MYO18A: variants seen among roughly 807,000 people sequenced by gnomAD.
MYO18A encodes unconventional myosin-XVIIIa.
Under a neutral mutation model 235.8 loss-of-function variants are expected in MYO18A, and 78 were observed. That is an observed-to-expected ratio of 0.33 (90% CI 0.28 to 0.40). The LOEUF (loss-of-function observed/expected upper bound fraction) is 0.40. Among genes scored for constraint, MYO18A ranks in the 10% least tolerant of loss-of-function variants. MYO18A has a pLI of 1.00. For synonymous variants in MYO18A, 977 were observed against 1,077.8 expected (o/e 0.91, Z 1.83); for missense variants, 2,215 against 2,699.3 (o/e 0.82, Z 3.98).
At position 29,116,502 on chromosome 17, in the gene MYO18A, G is replaced by A. The variant is rs748430548; in HGVS notation, c.2039-47C>T. 4.2e-5 allele frequency: 68 copies of A among 1,613,440 alleles called. 3 individuals carry two copies. The Admixed American group carries it at 1.0e-3, about 24-fold the overall frequency. ...TGCAGCATGCAAAGAAAAACAGTGTGTTAGCAAACAGTCATCAATAGAGCT... is the reference window on the plus strand; with the variant it reads ...TGCAGCATGCAAAGAAAAACAGTGTATTAGCAAACAGTCATCAATAGAGCT... On this transcript the variant is annotated intron_variant, in intron 10 of 41. Coordinates refer to ENST00000527372, the MANE Select transcript of MYO18A (RefSeq NM_078471.4).
In MYO18A at chr17:29,080,123, G is replaced by A. The variant is rs575101202; in HGVS notation, c.6020+2193C>T. On this transcript the variant is annotated intron_variant, in intron 41 of 41. Transcript: ENST00000527372. ...GACACATCAGCAGCAGAGGCGGAGC[G>A]GCGGATGCTGGCAGCTCGCTCCGGG... The A allele has an allele frequency of 5.4e-5, 53 of 985,826 alleles. No individual in the cohort carries two copies. The Admixed American group carries it at 1.1e-3, about 21-fold the overall frequency. 61.1% of individuals were successfully genotyped at this position (985,826 alleles called of 1,614,324 possible).
intron 2 of MYO18A, 104 bp from the exon 3 acceptor site, chr17:29,122,357 CT>C: frequency 2.0e-6 from 2 of 1,003,752 alleles, no homozygotes; most frequent in South Asian, 2.9e-5. Context: ...AGACAAGCCA[CT>C]GGGCAAGGAA....
intron 20 of MYO18A, among the ~76,000 whole-genome samples, chr17:29,105,665 G>C (rs1442371504): frequency 6.6e-6 from 1 of 152,164 alleles, no homozygotes; most frequent in Non-Finnish European, 1.5e-5. Flanking sequence ...GGCATCTGCT[G>C]GGAAGGTGAG....
rs1214920948 is a variant in MYO18A, at chr17:29,073,246, C to T, written c.*1524G>A. On this transcript the variant is annotated 3_prime_UTR_variant, in exon 42 of 42. Transcript: ENST00000527372. ...GGATGAGGCTTGGAGTCTCTGCCAC[C>T]CTTGCTAACCTGAATCACAGTCCCT... 1 of 152,216 alleles carries T rather than the reference C, an allele frequency of 6.6e-6. No individual in the cohort carries two copies. Among genetic ancestry groups the T allele is most frequent in the Non-Finnish European group, 1.5e-5 (1 of 68,070 alleles). The allele number at this position is 152,216 out of a possible 1,614,324, so 9.4% of individuals were successfully genotyped here. A position where few individuals can be genotyped will look rare whatever the true frequency, so the allele number is the denominator to read the frequency against.
chr17:29,122,040 C>A, intron 3 of MYO18A, 83 bp from the exon 4 acceptor site: 5 of 1,531,918 alleles, frequency 3.3e-6, no homozygotes, highest in Non-Finnish European at 4.5e-6. Flanking sequence ...CTATCCTCCC[C>A]CCCACTGCAT....
At position 29,116,246 on chromosome 17, in the gene MYO18A, T is replaced by G. The variant is rs569995080; in HGVS notation, c.2050+198A>C. On this transcript the variant is annotated intron_variant, in intron 11 of 41. Coordinates refer to ENST00000527372, the MANE Select transcript of MYO18A (RefSeq NM_078471.4). Reference sequence around the variant, plus strand: ...TGAGAGATCGCTCATGCCTCCACATTCCCTGAGTACATTAGAACCCTCCCT... The same window carrying G: ...TGAGAGATCGCTCATGCCTCCACATGCCCTGAGTACATTAGAACCCTCCCT... Among the ~76,000 whole-genome samples the G allele has an allele frequency of 9.9e-5, 15 of 152,266 alleles. 1 individual carries two copies. The highest frequency in any genetic ancestry group is 9.8e-4 in the Admixed American group (15 of 15,294).
At chr17:29,172,973 T>C (rs1482655755) in intron 1 of MYO18A, among the ~76,000 whole-genome samples, 1 of 152,188 alleles carries the variant, frequency 6.6e-6, no homozygotes, top group Admixed American at 6.5e-5. Context: ...ATTAGCAGTT[T>C]AGTAAAAACT....
chr17:29,105,397 G>A (rs1397181856), intron 20 of MYO18A, among the ~76,000 whole-genome samples: 2 of 151,976 alleles, frequency 1.3e-5, no homozygotes, highest in Non-Finnish European at 2.9e-5. Context: ...AGGTCTGTGG[G>A]GAGTTTCTCC....
chr17:29,174,814 C>CA (rs970991069), intron 1 of MYO18A, among the ~76,000 whole-genome samples: 86 of 139,356 alleles, frequency 6.2e-4, no homozygotes, highest in South Asian at 2.9e-3. Flanking sequence ...GACTCTGTCT[C>CA]AAAAAAAAAA....
chr17:29,120,657 C>T lies in MYO18A; in HGVS notation c.1687G>A (p.Asp563Asn), dbSNP rs1277339762. 1 of 1,613,992 alleles carries T rather than the reference C, an allele frequency of 6.2e-7. No individual in the cohort carries two copies. Among genetic ancestry groups the T allele is most frequent in the Non-Finnish European group, 8.5e-7 (1 of 1,179,880 alleles). The part of the protein sequence containing the change: ...ATRFSQILSL[D>N]FDQAGQVASA... ...GCCACCTGGCCAGCTTGGTCAAAGT[C>T]CAGGGAGAGGATCTGGGAGAAGCGG... The change falls in exon 7 of 42, where the codon GAC becomes AAC. Residue 563 changes from aspartate (D) to asparagine (N), a missense_variant. Physicochemically the swap from Asp to Asn is conservative, Grantham distance 23. Transcript: ENST00000527372. This position sits in a 1 kb window ranked among gnomAD's most constrained non-coding sequence, Gnocchi z 4.2.
intron 2 of MYO18A, among the ~76,000 whole-genome samples, chr17:29,138,058 C>T (rs1162257116): frequency 6.6e-6 from 1 of 152,124 alleles, no homozygotes; most frequent in Non-Finnish European, 1.5e-5. Flanking sequence ...CTGGGGTTTA[C>T]CCTCCACCAT....
Position 29,115,462 on chromosome 17 carries a change from C to A in MYO18A, c.2228-21G>T, listed in dbSNP as rs374993272. 3.7e-6 allele frequency: 6 copies of A among 1,609,514 alleles called. No individual in the cohort carries two copies. In the South Asian group the frequency reaches 6.6e-5, roughly 18 times the overall value. ...CGGGCCTGTGGGGCAGGGGGAGCAG[C>A]GCTATCTCCTTCTCCCCAGGGCTCC... is the stretch of plus-strand genomic sequence containing the variant. On this transcript the variant is annotated intron_variant, in intron 12 of 41. Transcript: ENST00000527372.
rs1356440090 is a variant in MYO18A, at chr17:29,094,735, T to A, written c.4625A>T (p.Lys1542Ile). ...KDEASLAKVKKQLRDLEAKVK... is the reference protein window; with the variant it reads ...KDEASLAKVKIQLRDLEAKVK... ...TTTGGCCTCCAGGTCCCGGAGCTGT[T>A]TCTTGACCTTGGCCAGAGAAGCCTC... The change falls in exon 30 of 42, where the codon AAA becomes ATA. Residue 1542 changes from lysine to isoleucine, a missense_variant. Physicochemically the swap from Lys to Ile is moderately radical, Grantham distance 102. Coordinates refer to ENST00000527372, the MANE Select transcript of MYO18A (RefSeq NM_078471.4). The A allele has an allele frequency of 5.6e-6, 9 of 1,613,920 alleles. No individual in the cohort carries two copies. Among genetic ancestry groups the A allele is most frequent in the Non-Finnish European group, 7.6e-6 (9 of 1,179,902 alleles).
intron 2 of MYO18A, among the ~76,000 whole-genome samples, chr17:29,145,395 T>G (rs1056250590): frequency 2.0e-5 from 3 of 152,196 alleles, no homozygotes; most frequent in Admixed American, 6.6e-5. Context: ...TGGCTCTGTT[T>G]CAGGCACTTG....
At chr17:29,147,520 T>TAAAAACA (rs1168745047) in intron 2 of MYO18A, among the ~76,000 whole-genome samples, 11 of 148,034 alleles carry the variant, frequency 7.4e-5, no homozygotes, top group African/African-American at 2.8e-4. Flanking sequence ...AGACCCTGCC[T>TAAAAACA]AAAAACAAAA....
chr17:29,154,760 G>A (rs1032622007), intron 2 of MYO18A, among the ~76,000 whole-genome samples: 2 of 152,246 alleles, frequency 1.3e-5, no homozygotes, highest in Non-Finnish European at 2.9e-5. Flanking sequence ...AGCTCCCACA[G>A]CCTGGACAGC....
At chr17:29,083,201 C>T (rs879371995) in intron 40 of MYO18A, among the ~76,000 whole-genome samples, 21 of 152,180 alleles carry the variant, frequency 1.4e-4, no homozygotes, top group Non-Finnish European at 1.5e-4. Context: ...CTCAAGGTCT[C>T]CTCTTCCGTC....
intron 2 of MYO18A, among the ~76,000 whole-genome samples, chr17:29,130,474 C>CACA (rs2067441221): frequency 1.6e-4 from 23 of 142,240 alleles, no homozygotes; most frequent in Non-Finnish European, 2.0e-4. Flanking sequence ...GAGGCCTCTC[C>CACA]CACACACACA....
At chr17:29,179,130 G>A (rs1025157527) in intron 1 of MYO18A, among the ~76,000 whole-genome samples, 2 of 152,176 alleles carry the variant, frequency 1.3e-5, no homozygotes, top group African/African-American at 4.8e-5. Flanking sequence ...GTCCCTCTCA[G>A]GAAGCATTCC....
Sources: allele counts gnomAD v4.1 joint callset (sites outside exome capture counted in the v4.1 genomes callset), GRCh38; gene constraint gnomAD v4.1.1; non-coding constraint Gnocchi (gnomAD v3.1); transcripts MANE v1.5; gene names NCBI Gene and HGNC (gene_info 2026-07-23, HGNC 2026-07-21).